The following UBE2F variants were observed in gnomAD, a reference collection of about 807,000 sequenced individuals.
UBE2F encodes the protein NEDD8-conjugating enzyme UBE2F.
In UBE2F, 5 loss-of-function variants were observed where a neutral mutation model predicts 29.6. The observed-to-expected ratio is 0.17, with a 90% CI of 0.09 to 0.36. UBE2F has a LOEUF of 0.36. Among genes scored for constraint, UBE2F ranks in the 10% least tolerant of loss-of-function variants. UBE2F has a pLI of 1.00. For synonymous variants in UBE2F, 66 were observed against 81.8 expected (o/e 0.81, Z 1.04); for missense variants, 141 against 228.5 (o/e 0.62, Z 2.47).
intron 2 of UBE2F, 70 bp downstream of exon 2, chr2:237,973,295 G>T: frequency 6.5e-7 from 1 of 1,544,170 alleles, no homozygotes; most frequent in Non-Finnish European, 8.9e-7. Context: ...GAGTCTTTGG[G>T]GATATAAAGC....
chr2:238,034,185 G>T (rs1476592426), intron 8 of UBE2F, among the ~76,000 whole-genome samples: 1 of 151,968 alleles, frequency 6.6e-6, no homozygotes, highest in Non-Finnish European at 1.5e-5. Context: ...AGCACTTTAG[G>T]AGGCGCTGAG....
Position 238,042,271 on chromosome 2 carries a change from T to G in UBE2F, c.*933T>G, listed in dbSNP as rs1294752692. 1 of 152,240 alleles carries G rather than the reference T, an allele frequency of 6.6e-6. No homozygotes were observed. Among genetic ancestry groups the G allele is most frequent in the East Asian group, 1.9e-4 (1 of 5,204 alleles). 9.4% of individuals were successfully genotyped at this position (152,240 alleles called of 1,614,324 possible). A position where few individuals can be genotyped will look rare whatever the true frequency, so the allele number is the denominator to read the frequency against. On this transcript the variant is annotated 3_prime_UTR_variant, in exon 10 of 10. Transcript: ENST00000272930. ...TGATGCTTTTGCAGTGGTCATGTGA[T>G]TGTGACCTGGTAGCTACTTATCAGA...
chr2:238,026,147 C>G (rs1326962127), intron 6 of UBE2F, among the ~76,000 whole-genome samples: 1 of 152,226 alleles, frequency 6.6e-6, no homozygotes, highest in African/African-American at 2.4e-5. Context: ...GTCCAGCTCG[C>G]CGCCCCCGCC....
chr2:237,991,854 T>C (rs2063597996), intron 3 of UBE2F, among the ~76,000 whole-genome samples: 1 of 146,834 alleles, frequency 6.8e-6, no homozygotes, highest in Non-Finnish European at 1.5e-5. Flanking sequence ...TGCTTTGTAA[T>C]CCACTTTGAT....
In UBE2F at chr2:237,982,555, G is replaced by A. The variant is rs2063402076; in HGVS notation, c.119-5408G>A. ...ACAGGAGTTATCACCCTCTACTGAG[G>A]TGGCTTGGGCCACTGCCAGAGTCAT... On this transcript the variant is annotated intron_variant, in intron 2 of 9. Coordinates refer to ENST00000272930, the MANE Select transcript of UBE2F (RefSeq NM_080678.3). This position sits in a 1 kb window ranked among gnomAD's most constrained non-coding sequence, Gnocchi z 4.1. 6.6e-6 allele frequency among the ~76,000 whole-genome samples: 1 copy of A among 152,182 alleles called. No individual in the cohort carries two copies. Among genetic ancestry groups the A allele is most frequent in the South Asian group, 2.1e-4 (1 of 4,830 alleles).
intron 3 of UBE2F, among the ~76,000 whole-genome samples, chr2:237,989,483 G>A (rs2106344784): frequency 6.6e-6 from 1 of 152,174 alleles, no homozygotes; most frequent in Admixed American, 6.5e-5. Flanking sequence ...CTCCCGAGTA[G>A]CTGGGACCAC....
intron 2 of UBE2F, among the ~76,000 whole-genome samples, chr2:237,981,614 C>CTTTTTT (rs139270010): frequency 6.4e-5 from 4 of 62,396 alleles, no homozygotes; most frequent in African/African-American, 6.4e-5. Context: ...AATTTGAATT[C>CTTTTTT]TTTTTTTTTT....
intron 2 of UBE2F, among the ~76,000 whole-genome samples, chr2:237,976,168 A>G (rs186743743): frequency 1.3e-5 from 2 of 152,354 alleles, no homozygotes; most frequent in East Asian, 3.9e-4. Flanking sequence ...GGTGTGCCTG[A>G]TAGGACTTGA....
chr2:238,024,946 T>C (rs775164245), intron 5 of UBE2F, among the ~76,000 whole-genome samples: 1 of 152,204 alleles, frequency 6.6e-6, no homozygotes, highest in Non-Finnish European at 1.5e-5. Context: ...CTGGGGCTTC[T>C]GATTGGATTT....
intron 2 of UBE2F, among the ~76,000 whole-genome samples, chr2:237,977,982 T>C (rs1431120192): frequency 6.6e-6 from 1 of 151,582 alleles, no homozygotes; most frequent in South Asian, 2.1e-4. Flanking sequence ...ACCTGTGGGG[T>C]AGGCGAGGGA....
chr2:237,968,885 G>A, intron 1 of UBE2F: 1 of 981,614 alleles, frequency 1.0e-6, no homozygotes, highest in Non-Finnish European at 1.2e-6. Context: ...ATTGAAGAAG[G>A]AAAAGAATTC....
At chr2:237,991,822 G>T (rs758039768) in intron 3 of UBE2F, among the ~76,000 whole-genome samples, 3 of 150,190 alleles carry the variant, frequency 2.0e-5, no homozygotes, top group African/African-American at 4.9e-5. Context: ...GGCGTGAGCC[G>T]CTGCGCCTGG....
intron 3 of UBE2F, among the ~76,000 whole-genome samples, chr2:237,990,822 C>T (rs1007044025): frequency 8.6e-5 from 13 of 151,618 alleles, no homozygotes; most frequent in African/African-American, 2.4e-4. Flanking sequence ...TCCTGTGTTG[C>T]CCAGGCTGAT....
At chr2:238,024,732 A>C (rs968821109) in intron 5 of UBE2F, among the ~76,000 whole-genome samples, 1 of 152,202 alleles carries the variant, frequency 6.6e-6, no homozygotes, top group Non-Finnish European at 1.5e-5. Context: ...CAAACATGCC[A>C]AGTCATAAAT....
intron 3 of UBE2F, among the ~76,000 whole-genome samples, 188 bp from the exon 4 acceptor site, chr2:237,994,556 C>G (rs1229510859): frequency 6.6e-6 from 1 of 152,090 alleles, no homozygotes; most frequent in Non-Finnish European, 1.5e-5. Context: ...TGACAAAAAC[C>G]ACTGGTTTGC....
intron 4 of UBE2F, among the ~76,000 whole-genome samples, chr2:238,008,192 G>A (rs2063947025): frequency 2.0e-5 from 3 of 152,012 alleles, no homozygotes; most frequent in Admixed American, 6.6e-5. Context: ...GGCTGGTCTC[G>A]AACCCTTGGG....
chr2:238,002,638 A>G (rs1053044013), intron 4 of UBE2F, among the ~76,000 whole-genome samples: 2 of 151,736 alleles, frequency 1.3e-5, no homozygotes, highest in African/African-American at 4.8e-5. Context: ...TTGAGACGGA[A>G]TCTCACTCCA....
At chr2:237,993,146 C>T (rs1452684738) in intron 3 of UBE2F, among the ~76,000 whole-genome samples, 2 of 152,042 alleles carry the variant, frequency 1.3e-5, no homozygotes, top group African/African-American at 4.8e-5. Context: ...CGCCACCTTG[C>T]CCAGCTAATT....
intron 6 of UBE2F, among the ~76,000 whole-genome samples, chr2:238,028,110 C>T (rs1301669720): frequency 6.6e-6 from 1 of 152,242 alleles, no homozygotes; most frequent in Admixed American, 6.5e-5. Flanking sequence ...GTTGCTGGGA[C>T]TATCCTCTGT....
Sources: gnomAD v4.1 joint callset for allele counts (sites outside exome capture counted in the v4.1 genomes callset) on GRCh38, gnomAD v4.1.1 for gene constraint, Gnocchi (gnomAD v3.1) non-coding constraint, MANE v1.5 for transcripts, NCBI Gene and HGNC (gene_info 2026-07-23, HGNC 2026-07-21) for gene names.